The following ZNF726 variants were observed in gnomAD, a reference collection of about 807,000 sequenced individuals.
ZNF726 encodes the protein zinc finger protein 92 pseudogene 3.
Under a neutral mutation model 11.6 loss-of-function variants are expected in ZNF726, and 15 were observed. That is an observed-to-expected ratio of 1.29 (90% CI 0.86 to 1.99). ZNF726 has a LOEUF of 1.99. Ranked by LOEUF, ZNF726 falls within the 30% of genes most tolerant of loss-of-function variation. The pLI, the probability that ZNF726 is intolerant of heterozygous loss-of-function variation, is 0.00. For synonymous variants in ZNF726, 295 were observed against 243.6 expected (o/e 1.21, Z -1.96); for missense variants, 890 against 725.6 (o/e 1.23, Z -2.60).
chr19:23,940,520 T>C (rs1256822892), intron 3 of ZNF726, among the ~76,000 whole-genome samples: 6 of 152,164 alleles, frequency 3.9e-5, no homozygotes, highest in Admixed American at 6.6e-5. Context: ...TTTTTAACTG[T>C]GTGAAGAATG....
intron 1 of ZNF726, 32 bp from the exon 2 acceptor site, chr19:23,919,341 T>C: frequency 1.3e-6 from 2 of 1,592,874 alleles, no homozygotes; most frequent in Non-Finnish European, 1.7e-6. Context: ...ATAGCCACTT[T>C]GTAAATATGT....
At chr19:23,942,521 T>C (rs1968354396) in intron 3 of ZNF726, among the ~76,000 whole-genome samples, 1 of 152,220 alleles carries the variant, frequency 6.6e-6, no homozygotes, top group African/African-American at 2.4e-5. Context: ...TTGTTTACTT[T>C]CTGTCTTAAT....
At chr19:23,920,482 A>T (rs1599453155) in intron 3 of ZNF726, 1 of 161,374 alleles carries the variant, frequency 6.2e-6, no homozygotes. Context: ...CAATGGTGCG[A>T]TCTCGGCTCA....
intron 1 of ZNF726, among the ~76,000 whole-genome samples, chr19:23,918,902 A>T (rs1387446256): frequency 1.3e-5 from 2 of 152,172 alleles, no homozygotes; most frequent in Non-Finnish European, 2.9e-5. Context: ...CTTGATAGAG[A>T]TTCAGTAACT....
intron 4 of ZNF726, chr19:23,943,651 C>A: frequency 2.0e-6 from 1 of 508,762 alleles, no homozygotes; most frequent in Non-Finnish European, 3.6e-6. Context: ...AAAAGAATGC[C>A]AGACTTTAAA....
chr19:23,922,820 A>G (rs1967885112), intron 3 of ZNF726, among the ~76,000 whole-genome samples: 1 of 152,142 alleles, frequency 6.6e-6, no homozygotes, highest in African/African-American at 2.4e-5. Context: ...TGTAGTTTTC[A>G]TTACAGGTGT....
chr19:23,917,411 C>A (rs1967727221), intron 1 of ZNF726, among the ~76,000 whole-genome samples: 1 of 151,780 alleles, frequency 6.6e-6, no homozygotes, highest in African/African-American at 2.4e-5. Context: ...TAGAAATTTT[C>A]TCAGGCATGT....
chr19:23,944,376 T>C (rs1173292040), intron 4 of ZNF726: 2 of 152,268 alleles, frequency 1.3e-5, no homozygotes, highest in Non-Finnish European at 2.9e-5. Flanking sequence ...TACCCAATGA[T>C]GAGACTTTTA....
At position 23,933,079 on chromosome 19, in the gene ZNF726, ATTTG is replaced by A. The variant is rs757549999; in HGVS notation, c.968_971del (p.Val323GlyfsTer5). 9.9e-6 allele frequency: 16 copies of A among 1,611,032 alleles called. No individual in the cohort carries two copies. In the East Asian group the frequency reaches 1.3e-4, roughly 14 times the overall value. On this transcript the variant is annotated frameshift_variant, in exon 4 of 4. Coordinates refer to ENST00000594466, the MANE Select transcript of ZNF726 (RefSeq NM_001244038.2). LOFTEE classifies it low-confidence loss of function (END_TRUNC). Reference sequence around the variant, plus strand: ...ACAAATGTGAAGAATGTGGCAAAGCATTTGTTTGGTCCTCAACCCTAACTAGACA... The same window carrying A: ...ACAAATGTGAAGAATGTGGCAAAGCATTTGGTCCTCAACCCTAACTAGACA...
chr19:23,916,864 A>G (rs200665761), intron 1 of ZNF726, among the ~76,000 whole-genome samples: 1 of 152,170 alleles, frequency 6.6e-6, no homozygotes, highest in East Asian at 1.9e-4. Flanking sequence ...GTTTTAGACA[A>G]TCAACTAATT....
chr19:23,922,561 A>T (rs1967879295), intron 3 of ZNF726, among the ~76,000 whole-genome samples: 1 of 152,224 alleles, frequency 6.6e-6, no homozygotes, highest in South Asian at 2.1e-4. Context: ...TTCTCAGTGG[A>T]ACCAAGTTAG....
At position 23,932,781 on chromosome 19, in the gene ZNF726, C is replaced by T. The variant is rs747467573; in HGVS notation, c.665C>T (p.Thr222Ile). 1.9e-6 allele frequency: 3 copies of T among 1,611,996 alleles called. No individual in the cohort carries two copies. Among genetic ancestry groups the T allele is most frequent in the East Asian group, 2.2e-5 (1 of 44,852 alleles). Residue 222 changes from threonine (T) to isoleucine (I), a missense_variant, in exon 4 of 4, where the codon ACT (threonine) becomes ATT (isoleucine). By Grantham distance (89) the Thr-to-Ile change is moderately conservative (BLOSUM62 -1). Transcript: ENST00000594466. ...TCAACCCTTACTAATCATAAGAAAA[C>T]TCATACTGAAGAAAAGCCCTACAAA... ...WSSTLTNHKK[T>I]HTEEKPYKCE...
chr19:23,937,428 C>T (rs551259171), downstream of ZNF726, among the ~76,000 whole-genome samples: 53 of 147,804 alleles, frequency 3.6e-4, no homozygotes, highest in South Asian at 3.7e-3. Flanking sequence ...ACTTCTCAGA[C>T]GGGGCGGTTG....
chr19:23,940,206 G>A (rs1379608147), intron 3 of ZNF726, among the ~76,000 whole-genome samples: 2 of 152,124 alleles, frequency 1.3e-5, no homozygotes, highest in African/African-American at 2.4e-5. Context: ...GGTGAGAAAT[G>A]AGGATCCAGT....
Position 23,915,006 on chromosome 19 carries a change from G to A in ZNF726, c.3+9G>A, listed in dbSNP as rs751483053. On this transcript the variant is annotated intron_variant, in intron 1 of 3. Coordinates refer to ENST00000594466, the MANE Select transcript of ZNF726 (RefSeq NM_001244038.2). Reference sequence around the variant, plus strand: ...CTGGAAGCCTAGAAATGGTGAGAGTGCCGGGTGCGACATCCCAAGAGAGGG... The same window carrying A: ...CTGGAAGCCTAGAAATGGTGAGAGTACCGGGTGCGACATCCCAAGAGAGGG... 4 of 1,613,794 alleles carry A rather than the reference G, an allele frequency of 2.5e-6. No homozygotes were observed. In the South Asian group the frequency reaches 4.4e-5, roughly 18 times the overall value.
At chr19:23,937,822 G>A (rs1005359009), downstream of ZNF726, among the ~76,000 whole-genome samples, 5 of 152,204 alleles carry the variant, frequency 3.3e-5, no homozygotes, top group African/African-American at 9.7e-5. Flanking sequence ...GTAGCAAGCC[G>A]AGATCACGCC....
intron 1 of ZNF726, chr19:23,919,143 A>G: frequency 4.2e-6 from 2 of 476,638 alleles, no homozygotes; most frequent in East Asian, 5.7e-5. Context: ...TATCATTCAG[A>G]AAAGTATCAT....
At chr19:23,926,957 A>C (rs1467541688) in intron 3 of ZNF726, among the ~76,000 whole-genome samples, 3 of 152,152 alleles carry the variant, frequency 2.0e-5, no homozygotes, top group African/African-American at 2.4e-5. Context: ...TTTCCTTAAA[A>C]AACCCCTATT....
At chr19:23,927,779 G>C (rs1232093716) in intron 3 of ZNF726, 1 of 152,170 alleles carries the variant, frequency 6.6e-6, no homozygotes, top group Non-Finnish European at 1.5e-5. Flanking sequence ...ACACCACCCA[G>C]CTGGCATTCT....
Sources: allele counts gnomAD v4.1 joint callset (sites outside exome capture counted in the v4.1 genomes callset), GRCh38; gene constraint gnomAD v4.1.1; transcripts MANE v1.5; gene names NCBI Gene and HGNC (gene_info 2026-07-23, HGNC 2026-07-21).